The following PTPRT variants were observed in gnomAD, a reference collection of about 807,000 sequenced individuals.
PTPRT encodes receptor-type tyrosine-protein phosphatase T.
Under a neutral mutation model 176.8 loss-of-function variants are expected in PTPRT, and 56 were observed. That is an observed-to-expected ratio of 0.32 (90% confidence interval 0.26 to 0.40). The LOEUF is 0.40. Among genes scored for constraint, PTPRT ranks in the 10% least tolerant of loss-of-function variants. PTPRT has a pLI of 1.00. For synonymous variants in PTPRT, 783 were observed against 739.0 expected (o/e 1.06, Z -0.96); for missense variants, 1,540 against 1,908.2 (o/e 0.81, Z 3.60).
chr20:42,278,766 C>T (rs751199602), intron 13 of PTPRT, among the ~76,000 whole-genome samples: 34 of 152,228 alleles, frequency 2.2e-4, no homozygotes, highest in Non-Finnish European at 4.6e-4. Flanking sequence ...CATCTTCTAC[C>T]AGATGGGATA....
intron 2 of PTPRT, among the ~76,000 whole-genome samples, chr20:42,846,069 C>T (rs910808295): frequency 5.9e-5 from 9 of 152,322 alleles, no homozygotes; most frequent in East Asian, 1.9e-4. Context: ...ACCACCATCA[C>T]GCCCACCACC....
intron 9 of PTPRT, among the ~76,000 whole-genome samples, chr20:42,396,686 T>C (rs6072725): frequency 0.3 from 45,292 of 152,072 alleles, 7,039 homozygotes; most frequent in Admixed American, 0.37. Flanking sequence ...CTCAGCCTCC[T>C]GAGTAGCTGG....
intron 7 of PTPRT, among the ~76,000 whole-genome samples, chr20:42,568,419 G>A (rs1157149743): frequency 1.3e-5 from 2 of 152,082 alleles, no homozygotes; most frequent in African/African-American, 4.8e-5. Flanking sequence ...GGAGCAGAGA[G>A]AACAAGTGAT....
chr20:42,944,222 T>C (rs1980742337), intron 1 of PTPRT, among the ~76,000 whole-genome samples: 1 of 152,068 alleles, frequency 6.6e-6, no homozygotes. Flanking sequence ...GTTTAGGATT[T>C]TAGAGCCGGG....
rs530443456 is a variant in PTPRT, at chr20:42,857,658, TC to T, written c.214+28148del. Among the ~76,000 whole-genome samples the T allele has an allele frequency of 1.6e-4, 25 of 152,296 alleles. No homozygotes were observed. The East Asian group carries it at 4.2e-3, about 26-fold the overall frequency. On this transcript the variant is annotated intron_variant, in intron 2 of 30. Transcript: ENST00000373187. ...GGATAATCTCCCTGTCTGTGTCTCCTCTCAGCTGGGCTGCCTCTAGAAACCT... is the reference window on the plus strand; with the variant it reads ...GGATAATCTCCCTGTCTGTGTCTCCTTCAGCTGGGCTGCCTCTAGAAACCT...
intron 7 of PTPRT, among the ~76,000 whole-genome samples, chr20:42,667,922 G>A (rs552358847): frequency 2.0e-5 from 3 of 152,188 alleles, no homozygotes; most frequent in Admixed American, 6.5e-5. Flanking sequence ...TTATCTATCC[G>A]GAGGTCTCAC....
chr20:42,146,770 A>G (rs1988887838), intron 17 of PTPRT, among the ~76,000 whole-genome samples: 1 of 152,242 alleles, frequency 6.6e-6, no homozygotes, highest in Non-Finnish European at 1.5e-5. Context: ...CCTTCAGGAT[A>G]AATTTCAAAC....
At position 43,179,624 on chromosome 20, in the gene PTPRT, C is replaced by T. The variant is rs985302975; in HGVS notation, c.88+10022G>A. Among the ~76,000 whole-genome samples the T allele has an allele frequency of 1.3e-5, 2 of 152,334 alleles. 1 individual carries two copies. On this transcript the variant is annotated intron_variant, in intron 1 of 30. Transcript: ENST00000373187. ...ATATTAATTCACTTCTACTTTCTGA[C>T]ATGCCTAATTAACTTCTACAAAACT...
intron 1 of PTPRT, among the ~76,000 whole-genome samples, chr20:43,141,733 C>T (rs2014014323): frequency 6.6e-6 from 1 of 152,150 alleles, no homozygotes; most frequent in Non-Finnish European, 1.5e-5. Context: ...ATTCATCAAA[C>T]CTAAATAGTA....
chr20:42,552,975 G>A (rs1355226034), intron 7 of PTPRT, among the ~76,000 whole-genome samples: 3 of 151,968 alleles, frequency 2.0e-5, no homozygotes, highest in African/African-American at 7.3e-5. Context: ...CTTGAGTAGC[G>A]GTACAGTCAA....
intron 7 of PTPRT, among the ~76,000 whole-genome samples, chr20:42,492,627 T>G (rs183775942): frequency 6.6e-6 from 1 of 152,320 alleles, no homozygotes; most frequent in East Asian, 1.9e-4. Flanking sequence ...GATTCCTTTA[T>G]GATTTCCTTT....
chr20:42,408,289 T>C (rs2058980045), intron 9 of PTPRT, among the ~76,000 whole-genome samples: 1 of 152,108 alleles, frequency 6.6e-6, no homozygotes, highest in Non-Finnish European at 1.5e-5. Context: ...GAAATAATAA[T>C]TTAGTAGAAT....
chr20:43,008,583 T>C (rs1984970842), intron 1 of PTPRT, among the ~76,000 whole-genome samples: 1 of 151,636 alleles, frequency 6.6e-6, no homozygotes, highest in African/African-American at 2.4e-5. Flanking sequence ...ACCAGCTACT[T>C]GAGGGTCTGA....
chr20:42,809,629 A>G (rs1442997768), intron 2 of PTPRT, among the ~76,000 whole-genome samples: 1 of 152,132 alleles, frequency 6.6e-6, no homozygotes, highest in Non-Finnish European at 1.5e-5. Context: ...GGAAGTCTCT[A>G]GGGGATAATT....
intron 9 of PTPRT, among the ~76,000 whole-genome samples, chr20:42,439,941 T>C (rs1301644670): frequency 6.6e-6 from 1 of 152,202 alleles, no homozygotes; most frequent in Non-Finnish European, 1.5e-5. Context: ...ACAGTCTCGC[T>C]CTGTTGCCAG....
At chr20:42,199,890 A>C (rs1379142739) in intron 15 of PTPRT, among the ~76,000 whole-genome samples, 2 of 152,154 alleles carry the variant, frequency 1.3e-5, no homozygotes, top group African/African-American at 4.8e-5. Context: ...TTCACAGCTC[A>C]AAAGAAGGAA....
intron 14 of PTPRT, among the ~76,000 whole-genome samples, chr20:42,242,857 T>A (rs529058060): frequency 1.3e-4 from 20 of 152,146 alleles, no homozygotes; most frequent in African/African-American, 4.6e-4. Context: ...CATTGAAGGG[T>A]TTCAGATGAC....
chr20:42,628,324 A>C (rs1409582489), intron 7 of PTPRT, among the ~76,000 whole-genome samples: 1 of 152,150 alleles, frequency 6.6e-6, no homozygotes, highest in African/African-American at 2.4e-5. Context: ...TGATGCCACA[A>C]GTCTCTGCAG....
At chr20:42,969,127 C>T (rs1209146264) in intron 1 of PTPRT, 1 of 152,186 alleles carries the variant, frequency 6.6e-6, no homozygotes, top group African/African-American at 2.4e-5. Context: ...CACACGTACA[C>T]TTGCCTAAAG....
Sources: allele counts gnomAD v4.1 joint callset (sites outside exome capture counted in the v4.1 genomes callset), GRCh38; gene constraint gnomAD v4.1.1; transcripts MANE v1.5; gene names NCBI Gene and HGNC (gene_info 2026-07-23, HGNC 2026-07-21).